Variants in UCMA observed in about 807,000 individuals in gnomAD.
UCMA encodes upper zone of growth plate and cartilage matrix-associated protein.
In UCMA, 21 loss-of-function variants were observed where a neutral mutation model predicts 21.8. That is an observed-to-expected ratio of 0.97 (90% CI 0.68 to 1.39). The LOEUF (loss-of-function observed/expected upper bound fraction) is 1.39, where lower values mean the gene tolerates loss of function less well. Ranked by LOEUF, UCMA falls within the 40% of genes most tolerant of loss-of-function variation. The pLI is 0.00. For missense variants in UCMA, 193 were observed against 178.9 expected (o/e 1.08, Z -0.45); for synonymous variants, 76 against 67.9 (o/e 1.12, Z -0.58).
chr10:13,229,577 AC>A (rs779030660), intron 4 of UCMA, 33 bp downstream of exon 4: 74 of 1,579,258 alleles, frequency 4.7e-5, no homozygotes, highest in Non-Finnish European at 5.6e-5. Context: ...CCAACGCTCC[AC>A]CTCCCTGAAG....
At chr10:13,223,923 A>C (rs1277639568) in intron 4 of UCMA, among the ~76,000 whole-genome samples, 2 of 151,674 alleles carry the variant, frequency 1.3e-5, no homozygotes, top group African/African-American at 4.8e-5. Context: ...AGGAATGGCG[A>C]GTTACTGCTT....
chr10:13,223,016 G>C (rs1486137276), intron 4 of UCMA, among the ~76,000 whole-genome samples: 3 of 151,732 alleles, frequency 2.0e-5, no homozygotes, highest in African/African-American at 7.3e-5. Context: ...CCCAAAGTCA[G>C]GAATTCTAGA....
rs764620130 is a variant in UCMA, at chr10:13,222,180, C to G, written c.340G>C (p.Glu114Gln). ...QNDEQEERSR[E>Q]AVEQWRQWHY... The stretch of plus-strand genomic sequence containing the variant: ...CACTGGCGCCACTGCTCCACAGCCT[C>G]CCGGCTCCTCTCTTCCTGCTCTGGG... Residue 114 changes from glutamate (E) to glutamine (Q), a missense_variant, in exon 5 of 5, where the codon GAG becomes CAG. By Grantham distance (29) the Glu-to-Gln change is conservative. Transcript: ENST00000378681. 1 of 1,613,956 alleles carries G rather than the reference C, an allele frequency of 6.2e-7. No homozygotes were observed. The highest frequency in any genetic ancestry group is 1.7e-5 in the Admixed American group (1 of 60,020).
At chr10:13,225,673 C>CAA (rs397728212) in intron 4 of UCMA, among the ~76,000 whole-genome samples, 7,236 of 106,748 alleles carry the variant, frequency 0.068, 323 homozygotes, top group Middle Eastern at 0.08. Context: ...GATTCCATCT[C>CAA]AAAAAAAAAA....
chr10:13,231,396 C>A (rs1304706638), intron 3 of UCMA, among the ~76,000 whole-genome samples: 1 of 152,154 alleles, frequency 6.6e-6, no homozygotes, highest in Non-Finnish European at 1.5e-5. Context: ...GGTCACACAG[C>A]AGATTGGGGC....
In UCMA at chr10:13,234,249, TC is replaced by T; in HGVS notation, c.9del (p.Trp3Ter). On this transcript the variant is annotated frameshift_variant, in exon 1 of 5. Transcript: ENST00000378681. LOFTEE classifies it high-confidence loss of function. MT[W>X]RQAVLLSCFS... Reference sequence around the variant, plus strand: ...AAGCAAGACAGCAGGACGGCCTGTCTCCAAGTCATCTTTGCAGAGGTAGGGG... The same window carrying T: ...AAGCAAGACAGCAGGACGGCCTGTCTCAAGTCATCTTTGCAGAGGTAGGGG... 6.2e-7 allele frequency: 1 copy of T among 1,613,584 alleles called. No homozygotes were observed. Among genetic ancestry groups the T allele is most frequent in the East Asian group, 2.2e-5 (1 of 44,824 alleles).
intron 4 of UCMA, among the ~76,000 whole-genome samples, chr10:13,227,714 C>CAAAA (rs56236207): frequency 0.086 from 4,612 of 53,482 alleles, 480 homozygotes; most frequent in Middle Eastern, 0.12. Context: ...GAGACTGTCT[C>CAAAA]AAAAAAAAAA....
At chr10:13,225,598 C>A (rs539936360) in intron 4 of UCMA, among the ~76,000 whole-genome samples, 1 of 151,388 alleles carries the variant, frequency 6.6e-6, no homozygotes, top group Non-Finnish European at 1.5e-5. Flanking sequence ...TCACTTGAAC[C>A]CCGGAGGAGG....
intron 3 of UCMA, among the ~76,000 whole-genome samples, chr10:13,231,600 G>A (rs922120668): frequency 6.6e-6 from 1 of 152,160 alleles, no homozygotes; most frequent in African/African-American, 2.4e-5. Context: ...TGTGTACTCA[G>A]GACAGCAAAC....
intron 4 of UCMA, among the ~76,000 whole-genome samples, chr10:13,225,909 C>T (rs1344489634): frequency 2.6e-5 from 4 of 152,076 alleles, no homozygotes; most frequent in African/African-American, 9.7e-5. Flanking sequence ...ACTCATCCTC[C>T]GGAGGCCAGG....
In UCMA at chr10:13,230,981, G is replaced by C. The variant is rs374825254; in HGVS notation, c.221-1272C>G. 1.6e-4 allele frequency among the ~76,000 whole-genome samples: 24 copies of C among 151,980 alleles called. 1 individual carries two copies. The highest frequency in any genetic ancestry group is 4.6e-4 in the African/African-American group (19 of 41,388). On this transcript the variant is annotated intron_variant, in intron 3 of 4. Coordinates refer to ENST00000378681, the MANE Select transcript of UCMA (RefSeq NM_145314.3). ...GTGAGGCAGGAGAATTGCTTGAACC[G>C]GGGAGGTGGAGGTTGAGATCACGCC...
At chr10:13,230,211 A>G (rs1834880070) in intron 3 of UCMA, among the ~76,000 whole-genome samples, 1 of 152,074 alleles carries the variant, frequency 6.6e-6, no homozygotes, top group Admixed American at 6.5e-5. Context: ...GGGAGTCTGA[A>G]GCAGGAGGGT....
intron 3 of UCMA, among the ~76,000 whole-genome samples, chr10:13,231,502 C>T (rs1231686353): frequency 2.6e-5 from 4 of 152,168 alleles, no homozygotes; most frequent in Non-Finnish European, 5.9e-5. Flanking sequence ...CGCCAGAAAG[C>T]CGTTGTGGGA....
At position 13,224,309 on chromosome 10, in the gene UCMA, A is replaced by C. The variant is rs1345097836; in HGVS notation, c.320-2109T>G. Among the ~76,000 whole-genome samples, 5 of 142,640 alleles carry C rather than the reference A, an allele frequency of 3.5e-5. No homozygotes were observed. In the East Asian group the frequency reaches 1.2e-3, roughly 35 times the overall value. The allele number at this position is 142,640 out of a possible 152,430, so 93.6% of individuals were successfully genotyped here. A position where few individuals can be genotyped will look rare whatever the true frequency, so the allele number is the denominator to read the frequency against. On this transcript the variant is annotated intron_variant, in intron 4 of 4. Transcript: ENST00000378681. ...ACCACTGCACTCCAACCTGGGTAAC[A>C]GAGCAAAACCCATCTAAAAAAGAAA...
intron 4 of UCMA, among the ~76,000 whole-genome samples, chr10:13,225,858 G>A (rs1038361035): frequency 2.8e-4 from 42 of 151,944 alleles, no homozygotes; most frequent in African/African-American, 8.5e-4. Flanking sequence ...CACAGGCAAC[G>A]GAGAGGAAAG....
intron 4 of UCMA, 41 bp downstream of exon 4, chr10:13,229,570 A>T (rs764998260): frequency 1.9e-6 from 3 of 1,564,818 alleles, no homozygotes; most frequent in Admixed American, 3.6e-5. Context: ...TTTCTCCCCA[A>T]CGCTCCACCT....
At position 13,234,248 on chromosome 10, in the gene UCMA, C is replaced by CTCCTGGT. The variant is rs1834940780; in HGVS notation, c.10_11insACCAGGA (p.Arg4AsnfsTer40). ...GAAGCAAGACAGCAGGACGGCCTGTCTCCAAGTCATCTTTGCAGAGGTAGG... is the reference window on the plus strand; with the variant it reads ...GAAGCAAGACAGCAGGACGGCCTGTCTCCTGGTTCCAAGTCATCTTTGCAGAGGTAGG... On this transcript the variant is annotated frameshift_variant, in exon 1 of 5. Transcript: ENST00000378681. LOFTEE classifies it high-confidence loss of function. 6.2e-7 allele frequency: 1 copy of CTCCTGGT among 1,613,780 alleles called. No homozygotes were observed. The highest frequency in any genetic ancestry group is 8.5e-7 in the Non-Finnish European group (1 of 1,179,970).
rs775263536 is a variant in UCMA at position 13,234,153 on chromosome 10, C to A, written c.58+48G>T. ...AGCCTTACCTGTGCATGGTAAGTCT[C>A]CCTTACCATGTAACTAACACCCTCC... On this transcript the variant is annotated intron_variant, in intron 1 of 4. Transcript: ENST00000378681. 3.2e-6 allele frequency: 5 copies of A among 1,546,366 alleles called. No individual in the cohort carries two copies. In the East Asian group the frequency reaches 9.2e-5, roughly 28 times the overall value.
intron 3 of UCMA, among the ~76,000 whole-genome samples, chr10:13,230,591 G>C (rs1245727982): frequency 6.6e-6 from 1 of 152,124 alleles, no homozygotes; most frequent in Non-Finnish European, 1.5e-5. Flanking sequence ...ACACCAAATG[G>C]GGGAGACGGA....
Sources: gnomAD v4.1 joint callset for allele counts (sites outside exome capture counted in the v4.1 genomes callset) on GRCh38, gnomAD v4.1.1 for gene constraint, MANE v1.5 for transcripts, NCBI Gene and HGNC (gene_info 2026-07-23, HGNC 2026-07-21) for gene names.